Variants in SEC31B observed in about 807,000 individuals in gnomAD.
SEC31B encodes protein transport protein Sec31B.
In SEC31B, 113 loss-of-function variants were observed where a neutral mutation model predicts 135.0. The observed-to-expected ratio is 0.84, with a 90% CI of 0.72 to 0.98. The LOEUF is 0.98. SEC31B is among the 50% of genes least tolerant of loss of function. The pLI is 0.00. For synonymous variants in SEC31B, 508 were observed against 549.4 expected, an observed-to-expected ratio of 0.92 and a Z score of 1.05; for missense variants, 1,296 against 1,421.1, an observed-to-expected ratio of 0.91 and a Z score of 1.42.
At chr10:100,509,587 C>T in intron 3 of SEC31B, 76 bp from the exon 4 acceptor site, 1 of 1,246,502 alleles carries the variant, frequency 8.0e-7, no homozygotes, top group Non-Finnish European at 1.1e-6. Flanking sequence ...TCTCTGTCAG[C>T]TTCTGCCATT....
At chr10:100,507,336 G>C in intron 7 of SEC31B, 89 bp downstream of exon 7, 1 of 1,513,000 alleles carries the variant, frequency 6.6e-7, no homozygotes. Flanking sequence ...AGGATGTTTA[G>C]TAGCTAAAGT....
At chr10:100,518,212 CT>C (rs1396594618) in intron 1 of SEC31B, among the ~76,000 whole-genome samples, 3 of 152,326 alleles carry the variant, frequency 2.0e-5, no homozygotes, top group African/African-American at 7.2e-5. Flanking sequence ...TCAACTTCAT[CT>C]TTTAATACTT....
At chr10:100,512,416 C>T (rs1414097969) in intron 3 of SEC31B, among the ~76,000 whole-genome samples, 2 of 152,188 alleles carry the variant, frequency 1.3e-5, no homozygotes, top group East Asian at 3.9e-4. Flanking sequence ...ATCTAACAAA[C>T]CCAACACTGT....
intron 23 of SEC31B, 66 bp downstream of exon 23, chr10:100,489,186 C>G: frequency 6.6e-7 from 1 of 1,525,124 alleles, no homozygotes; most frequent in Non-Finnish European, 8.8e-7. Flanking sequence ...GGCCCATCTA[C>G]CATGACCTGC....
intron 21 of SEC31B, 50 bp from the exon 22 acceptor site, chr10:100,489,811 G>C: frequency 1.2e-6 from 2 of 1,612,660 alleles, no homozygotes; most frequent in Non-Finnish European, 1.7e-6. Context: ...AAAAACACTG[G>C]AAGTTTTTTA....
intron 17 of SEC31B, 46 bp downstream of exon 17, chr10:100,497,089 T>C: frequency 6.2e-7 from 1 of 1,600,430 alleles, no homozygotes; most frequent in Non-Finnish European, 8.6e-7. Flanking sequence ...ACTAGCCTCC[T>C]AAGGGCCTGG....
At chr10:100,511,922 G>A (rs1433800033) in intron 3 of SEC31B, among the ~76,000 whole-genome samples, 1 of 152,106 alleles carries the variant, frequency 6.6e-6, no homozygotes, top group East Asian at 1.9e-4. Context: ...AATTTACAGT[G>A]GGAAAAAAAG....
intron 9 of SEC31B, 186 bp from the exon 10 acceptor site, chr10:100,505,681 C>A: frequency 1.4e-6 from 2 of 1,412,412 alleles, no homozygotes; most frequent in South Asian, 1.6e-5. Flanking sequence ...CAAGTAGGCT[C>A]TTGGAAAGAC....
In SEC31B at chr10:100,512,924, A is replaced by G. The variant is rs78843137; in HGVS notation, c.203+3172T>C. Among the ~76,000 whole-genome samples, 201 of 152,336 alleles carry G rather than the reference A, an allele frequency of 1.3e-3. 4 individuals are homozygous for G. The East Asian group carries it at 0.037, about 28-fold the overall frequency. ...TTTGCCCAAGTCACACAGCTCTATT[A>G]GTATTATGGCCAATGCTACTGCCCC... is the stretch of plus-strand genomic sequence containing the variant. On this transcript the variant is annotated intron_variant, in intron 3 of 25. Transcript: ENST00000370345.
chr10:100,510,652 G>A lies in SEC31B; in HGVS notation c.204-1141C>T, dbSNP rs531997793. The stretch of plus-strand genomic sequence containing the variant: ...CCAACTGCAAAGAAATATTCCCTGC[G>A]AACAGTCAGCAAAGCAACTGAGTAG... On this transcript the variant is annotated intron_variant, in intron 3 of 25. Transcript: ENST00000370345. Among the ~76,000 whole-genome samples, 46 of 152,272 alleles carry A rather than the reference G, an allele frequency of 3.0e-4. 1 individual carries two copies. Among genetic ancestry groups the A allele is most frequent in the Admixed American group, 2.2e-3 (33 of 15,288 alleles).
intron 23 of SEC31B, 112 bp downstream of exon 23, chr10:100,489,139 GC>G: frequency 1.4e-6 from 2 of 1,440,218 alleles, no homozygotes; most frequent in Non-Finnish European, 1.8e-6. Context: ...CCTGGTACCT[GC>G]CCCCAGTCTC....
chr10:100,514,874 G>A (rs1354555419), intron 3 of SEC31B, among the ~76,000 whole-genome samples: 5 of 149,976 alleles, frequency 3.3e-5, no homozygotes, highest in South Asian at 2.1e-4. Flanking sequence ...CCAGCTACTC[G>A]GGCGGCTGAG....
intron 11 of SEC31B, among the ~76,000 whole-genome samples, chr10:100,500,596 G>A (rs546437896): frequency 2.0e-4 from 30 of 152,050 alleles, no homozygotes; most frequent in East Asian, 3.9e-4. Flanking sequence ...GATTACAGGC[G>A]TGAGCCACCG....
In SEC31B at chr10:100,490,888, G is replaced by A. The variant is rs1160953140; in HGVS notation, c.2473-5C>T. The A allele has an allele frequency of 7.0e-7, 1 of 1,425,004 alleles. No homozygotes were observed. The highest frequency in any genetic ancestry group is 2.3e-5 in the Admixed American group (1 of 42,948). The allele number at this position is 1,425,004 out of a possible 1,614,324, so 88.3% of individuals were successfully genotyped here. On this transcript the variant is annotated splice_polypyrimidine_tract_variant and splice_region_variant and intron_variant, in intron 19 of 25. Transcript: ENST00000370345. ...CCTTGGAGATGGAGTTGGGACCTAT[G>A]AAGAGAAAAAAACATCAGCTCTTGG...
chr10:100,498,744 G>T lies in SEC31B; in HGVS notation c.1645C>A (p.Pro549Thr). Residue 549 changes from proline to threonine, a missense_variant, in exon 14 of 26, where the codon CCT becomes ACT. Pro to Thr is a conservative substitution (Grantham distance 38). Coordinates refer to ENST00000370345, the MANE Select transcript of SEC31B (RefSeq NM_015490.4). ...ATCTCCCAAGGAGTCATGTTCTGAG[G>T]GACCAGCTCATCAAAGAAGGCTGAG... ...ASSAFFDELV[P>T]QNMTPWEIPI... is the part of the protein sequence containing the mutation. The T allele has an allele frequency of 6.2e-7, 1 of 1,613,878 alleles. No individual in the cohort carries two copies. Among genetic ancestry groups the T allele is most frequent in the Non-Finnish European group, 8.5e-7 (1 of 1,179,874 alleles).
intron 10 of SEC31B, among the ~76,000 whole-genome samples, chr10:100,504,829 C>T (rs541042845): frequency 4.8e-4 from 73 of 151,576 alleles, no homozygotes; most frequent in Non-Finnish European, 8.5e-4. Flanking sequence ...AGGGTACAAG[C>T]AGAGACAGGA....
intron 11 of SEC31B, among the ~76,000 whole-genome samples, chr10:100,501,062 A>T (rs546963265): frequency 7.0e-6 from 1 of 142,928 alleles, no homozygotes; most frequent in Non-Finnish European, 1.5e-5. Context: ...AAATACAAAA[A>T]ATACAAAAAA....
intron 16 of SEC31B, 141 bp downstream of exon 16, chr10:100,497,526 T>C: frequency 1.3e-6 from 2 of 1,535,146 alleles, no homozygotes. Context: ...CCCTGCCTCC[T>C]GGCTGAGCCA....
rs755874994 is a variant in SEC31B at position 100,487,094 on chromosome 10, G to C, written c.*522C>G. ...CAGCACCCATCCCTCACGTCCATGA[G>C]TTGTTCAAAGGGTGAACAGCAGTCA... On this transcript the variant is annotated 3_prime_UTR_variant, in exon 26 of 26. Coordinates refer to ENST00000370345, the MANE Select transcript of SEC31B (RefSeq NM_015490.4). The C allele has an allele frequency of 6.3e-6, 1 of 158,670 alleles. No individual in the cohort carries two copies. Among genetic ancestry groups the C allele is most frequent in the Non-Finnish European group, 1.4e-5 (1 of 72,072 alleles). 9.8% of individuals were successfully genotyped at this position (158,670 alleles called of 1,614,324 possible).
Sources: gnomAD v4.1 joint callset for allele counts (sites outside exome capture counted in the v4.1 genomes callset) on GRCh38, gnomAD v4.1.1 for gene constraint, MANE v1.5 for transcripts, NCBI Gene and HGNC (gene_info 2026-07-23, HGNC 2026-07-21) for gene names.